Variants in TMEM63C observed in about 807,000 individuals in gnomAD.
TMEM63C encodes osmosensitive cation channel TMEM63C.
TMEM63C carries 32 observed loss-of-function variants against 99.2 expected under a neutral mutation model. That is an observed-to-expected ratio of 0.32 (90% CI 0.24 to 0.43). The LOEUF is 0.43. Among genes scored for constraint, TMEM63C ranks in the 20% least tolerant of loss-of-function variants. The pLI is 1.00. For missense variants in TMEM63C, 826 were observed against 1,053.0 expected, an observed-to-expected ratio of 0.78 and a Z score of 2.98; for synonymous variants, 376 against 397.9, an observed-to-expected ratio of 0.94 and a Z score of 0.66.
chr14:77,227,954 T>G (rs1888860243), intron 6 of TMEM63C, among the ~76,000 whole-genome samples: 1 of 152,140 alleles, frequency 6.6e-6, no homozygotes, highest in African/African-American at 2.4e-5. Flanking sequence ...CTTGAGGAGC[T>G]GTTTTATTAC....
At chr14:77,227,749 G>A (rs1888854769) in intron 6 of TMEM63C, among the ~76,000 whole-genome samples, 1 of 152,242 alleles carries the variant, frequency 6.6e-6, no homozygotes, top group Admixed American at 6.5e-5. Flanking sequence ...AGGTGGAGTA[G>A]AATGGGGGTT....
At chr14:77,229,009 G>A (rs112123584) in intron 6 of TMEM63C, among the ~76,000 whole-genome samples, 94 of 152,288 alleles carry the variant, frequency 6.2e-4, no homozygotes, top group South Asian at 1.7e-3. Context: ...TCACCATTAC[G>A]TAAAACCATC....
chr14:77,195,422 C>T (rs1888198474), intron 1 of TMEM63C, among the ~76,000 whole-genome samples: 1 of 152,184 alleles, frequency 6.6e-6, no homozygotes, highest in South Asian at 2.1e-4. Flanking sequence ...GACTTTTCTG[C>T]CCTTTCCCAG....
At chr14:77,256,435 C>A in intron 23 of TMEM63C, 91 bp from the exon 24 acceptor site, 1 of 1,298,162 alleles carries the variant, frequency 7.7e-7, no homozygotes, top group Non-Finnish European at 1.1e-6. Flanking sequence ...GAGACAGAGG[C>A]GATGGGGGTG....
At chr14:77,188,408 T>C (rs1404312672) in intron 1 of TMEM63C, among the ~76,000 whole-genome samples, 1 of 152,178 alleles carries the variant, frequency 6.6e-6, no homozygotes, top group African/African-American at 2.4e-5. Flanking sequence ...AAAATAGCAA[T>C]ACAAAGCTCC....
intron 23 of TMEM63C, among the ~76,000 whole-genome samples, chr14:77,256,175 C>G (rs537701072): frequency 6.6e-6 from 1 of 152,288 alleles, no homozygotes; most frequent in Admixed American, 6.5e-5. Context: ...TGCACTAGCT[C>G]AGGAAAGAGG....
At chr14:77,203,952 T>G (rs1888351864) in intron 1 of TMEM63C, among the ~76,000 whole-genome samples, 1 of 152,234 alleles carries the variant, frequency 6.6e-6, no homozygotes, top group Non-Finnish European at 1.5e-5. Flanking sequence ...CTATGGCTGC[T>G]TCACCTCCTT....
chr14:77,256,616 C>T lies in TMEM63C; in HGVS notation c.2311C>T (p.Gln771Ter), dbSNP rs775788838. 1.2e-6 allele frequency: 2 copies of T among 1,614,032 alleles called. No individual in the cohort carries two copies. The highest frequency in any genetic ancestry group is 1.7e-6 in the Non-Finnish European group (2 of 1,179,888). ...ARHTYGTMNN[Q>*]PEEGEEESGL... ...GCACACCTATGGCACCATGAACAAC[C>T]AGCCGGAAGAGGGAGAAGAAGAGAG... Residue 771 changes from glutamine (Q) to a stop codon, truncating the protein, a stop_gained, in exon 24 of 24, where the codon CAG (glutamine) becomes TAG (stop). Coordinates refer to ENST00000298351, the MANE Select transcript of TMEM63C (RefSeq NM_020431.4). LOFTEE classifies it high-confidence loss of function.
At position 77,208,969 on chromosome 14, in the gene TMEM63C, C is replaced by G. The variant is rs554962017; in HGVS notation, c.-76-4477C>G. On this transcript the variant is annotated intron_variant, in intron 1 of 23. Transcript: ENST00000298351. ...ATCGTGGGCCCAATGGAAGGTGGAA[C>G]TGCAATCCTCTCACCCCATGCTGAG... Among the ~76,000 whole-genome samples, 13 of 151,732 alleles carry G rather than the reference C, an allele frequency of 8.6e-5. 1 individual carries two copies. In the South Asian group the frequency reaches 2.7e-3, roughly 32 times the overall value.
intron 6 of TMEM63C, among the ~76,000 whole-genome samples, chr14:77,228,030 T>A (rs1408167663): frequency 6.6e-6 from 1 of 152,048 alleles, no homozygotes; most frequent in African/African-American, 2.4e-5. Context: ...TGGACGCAGG[T>A]GCATGCAGAG....
At chr14:77,184,670 G>A (rs188566024) in intron 1 of TMEM63C, among the ~76,000 whole-genome samples, 249 of 152,290 alleles carry the variant, frequency 1.6e-3, no homozygotes, top group African/African-American at 5.7e-3. Context: ...TTTGCCTGAG[G>A]TGGGGCCCCA....
intron 8 of TMEM63C, among the ~76,000 whole-genome samples, chr14:77,235,157 C>G (rs1009022725): frequency 6.6e-6 from 1 of 151,894 alleles, no homozygotes; most frequent in African/African-American, 2.4e-5. Flanking sequence ...AATAAACGTT[C>G]CCCCCATGAG....
chr14:77,202,022 G>A (rs1888308179), intron 1 of TMEM63C, among the ~76,000 whole-genome samples: 1 of 152,180 alleles, frequency 6.6e-6, no homozygotes, highest in African/African-American at 2.4e-5. Flanking sequence ...CACTGCCATT[G>A]CCCAGCATCC....
At position 77,190,140 on chromosome 14, in the gene TMEM63C, G is replaced by T. The variant is rs542102514; in HGVS notation, c.-77+8246G>T. ...ATGATTATTATTATTATTATTATTG[G>T]TACTGTGTTTGGCCATATGTAAATC... On this transcript the variant is annotated intron_variant, in intron 1 of 23. Coordinates refer to ENST00000298351, the MANE Select transcript of TMEM63C (RefSeq NM_020431.4). Among the ~76,000 whole-genome samples the T allele has an allele frequency of 1.7e-3, 257 of 149,904 alleles. 2 individuals are homozygous for T. The highest frequency in any genetic ancestry group is 3.4e-3 in the Admixed American group (52 of 15,126).
intron 12 of TMEM63C, 102 bp from the exon 13 acceptor site, chr14:77,240,373 G>T: frequency 7.1e-7 from 1 of 1,401,154 alleles, no homozygotes; most frequent in Non-Finnish European, 9.4e-7. Context: ...GGTGCTTCAA[G>T]GCCACCACAA....
intron 13 of TMEM63C, among the ~76,000 whole-genome samples, chr14:77,241,972 T>C (rs1889184352): frequency 6.6e-6 from 1 of 152,202 alleles, no homozygotes; most frequent in Non-Finnish European, 1.5e-5. Context: ...CAGAAAGAAC[T>C]CAATAATTAG....
At chr14:77,246,963 G>T (rs531942012) in intron 18 of TMEM63C, among the ~76,000 whole-genome samples, 28 of 152,256 alleles carry the variant, frequency 1.8e-4, no homozygotes, top group African/African-American at 5.8e-4. Flanking sequence ...CCTTTATCCA[G>T]TTTCCCCCAA....
intron 3 of TMEM63C, 131 bp from the exon 4 acceptor site, chr14:77,219,367 G>A (rs1375256115): frequency 3.5e-6 from 3 of 862,062 alleles, no homozygotes; most frequent in Non-Finnish European, 5.6e-6. Flanking sequence ...CTCCAACAGA[G>A]CTCACCTTCT....
chr14:77,248,638 C>T (rs1251044258), intron 19 of TMEM63C, 129 bp downstream of exon 19: 1 of 1,493,964 alleles, frequency 6.7e-7, no homozygotes, highest in South Asian at 1.2e-5. Context: ...GGTGGGGCAC[C>T]TTGGTCTACA....
Sources: gnomAD v4.1 joint callset for allele counts (sites outside exome capture counted in the v4.1 genomes callset) on GRCh38, gnomAD v4.1.1 for gene constraint, MANE v1.5 for transcripts, NCBI Gene and HGNC (gene_info 2026-07-23, HGNC 2026-07-21) for gene names.